Variants in ADCY2 observed in about 807,000 individuals in gnomAD.
ADCY2 encodes adenylate cyclase 2.
Under a neutral mutation model 125.2 loss-of-function variants are expected in ADCY2, and 31 were observed. The ratio of observed to expected loss-of-function variants is 0.25; its 90% CI spans 0.19 to 0.33. The LOEUF (loss-of-function observed/expected upper bound fraction) is 0.33. Among genes scored for constraint, ADCY2 ranks in the 10% least tolerant of loss-of-function variants. ADCY2 has a pLI of 1.00. For synonymous variants in ADCY2, 512 were observed against 548.4 expected (o/e 0.93, Z 0.93); for missense variants, 904 against 1,418.2 (o/e 0.64, Z 5.82).
At chr5:7,688,129 T>C (rs368217376) in intron 4 of ADCY2, among the ~76,000 whole-genome samples, 13 of 152,242 alleles carry the variant, frequency 8.5e-5, no homozygotes, top group African/African-American at 2.9e-4. Flanking sequence ...CTTTAGAAGT[T>C]AACATTTGTT....
At chr5:7,603,786 TTTTTTTTTTTTTTTTTTTTTTTTCTTTTG>T (rs1444842350) in intron 3 of ADCY2, among the ~76,000 whole-genome samples, 3 of 56,106 alleles carry the variant, frequency 5.3e-5, no homozygotes, top group South Asian at 3.8e-4. Context: ...CTCTCTTTCT[TTTTTTTTTTTTTTTTTTTTTTTTCTTTTG>T]TTTTTTTTTT....
intron 4 of ADCY2, among the ~76,000 whole-genome samples, chr5:7,631,248 A>T (rs1374088036): frequency 6.6e-6 from 1 of 152,138 alleles, no homozygotes; most frequent in Non-Finnish European, 1.5e-5. Flanking sequence ...CACATCCACA[A>T]AATCCCTGGT....
At chr5:7,533,038 T>A (rs987763638) in intron 3 of ADCY2, among the ~76,000 whole-genome samples, 1 of 149,738 alleles carries the variant, frequency 6.7e-6, no homozygotes, top group Non-Finnish European at 1.5e-5. Context: ...TATATGTATA[T>A]AAACATTTGA....
At chr5:7,711,962 A>T (rs577760019) in intron 10 of ADCY2, among the ~76,000 whole-genome samples, 3 of 152,336 alleles carry the variant, frequency 2.0e-5, no homozygotes, top group African/African-American at 7.2e-5. Flanking sequence ...CCAGGGTCAA[A>T]CAACTGACAT....
At chr5:7,722,788 A>ATC in intron 12 of ADCY2, among the ~76,000 whole-genome samples, 1 of 151,836 alleles carries the variant, frequency 6.6e-6, no homozygotes, top group African/African-American at 2.4e-5. Flanking sequence ...GAGAAACCCC[A>ATC]TCTCTACTAA....
rs535370102 is a variant in ADCY2, at chr5:7,626,720, A to G, written c.720+404A>G. ...TGAACAACCAACTCTCATGGGAACA[A>G]TAGAGTGAGAAACTCCCTCAAACTC... On this transcript the variant is annotated intron_variant, in intron 4 of 24. Transcript: ENST00000338316. Among the ~76,000 whole-genome samples the G allele has an allele frequency of 2.6e-5, 4 of 152,236 alleles. No individual in the cohort carries two copies. In the South Asian group the frequency reaches 6.2e-4, roughly 24 times the overall value.
intron 18 of ADCY2, among the ~76,000 whole-genome samples, chr5:7,774,258 T>TA (rs1743646258): frequency 6.6e-6 from 1 of 152,214 alleles, no homozygotes; most frequent in African/African-American, 2.4e-5. Flanking sequence ...GAAACTCTAC[T>TA]AATCTGTAAT....
At chr5:7,471,436 A>C (rs1159492369) in intron 2 of ADCY2, among the ~76,000 whole-genome samples, 2 of 151,976 alleles carry the variant, frequency 1.3e-5, no homozygotes, top group African/African-American at 4.8e-5. Flanking sequence ...ACCCTTAATT[A>C]TAGTCCACCC....
intron 3 of ADCY2, among the ~76,000 whole-genome samples, chr5:7,543,418 CT>C (rs765308276): frequency 5.9e-4 from 90 of 151,746 alleles, no homozygotes; most frequent in Non-Finnish European, 1.2e-3. Context: ...AAAAATAAAT[CT>C]TCTTATTTGA....
chr5:7,742,284 G>A (rs531698627), intron 14 of ADCY2, among the ~76,000 whole-genome samples: 12 of 152,224 alleles, frequency 7.9e-5, no homozygotes, highest in Admixed American at 5.2e-4. Context: ...CACTCCTCCC[G>A]CTGCTGCAGG....
At chr5:7,460,504 AT>A (rs1195518584) in intron 2 of ADCY2, among the ~76,000 whole-genome samples, 2 of 152,208 alleles carry the variant, frequency 1.3e-5, no homozygotes. Context: ...GTTCAGTATT[AT>A]CAAAATTAAA....
At chr5:7,407,993 C>A (rs144044609) in intron 1 of ADCY2, among the ~76,000 whole-genome samples, 2 of 150,748 alleles carry the variant, frequency 1.3e-5, no homozygotes, top group African/African-American at 4.9e-5. Flanking sequence ...CTCAGCCTCC[C>A]GAGTAGCTGG....
intron 3 of ADCY2, among the ~76,000 whole-genome samples, chr5:7,568,456 T>C (rs1333909172): frequency 6.6e-6 from 1 of 152,156 alleles, no homozygotes; most frequent in Admixed American, 6.6e-5. Context: ...GTTATTTCTC[T>C]TGGGTCATGG....
At chr5:7,681,307 C>T (rs922630402) in intron 4 of ADCY2, among the ~76,000 whole-genome samples, 2 of 152,090 alleles carry the variant, frequency 1.3e-5, no homozygotes, top group African/African-American at 2.4e-5. Flanking sequence ...ACATCAGTGC[C>T]CACAGGGACA....
At chr5:7,692,852 C>T (rs938213634) in intron 5 of ADCY2, among the ~76,000 whole-genome samples, 15 of 152,290 alleles carry the variant, frequency 9.8e-5, no homozygotes, top group African/African-American at 1.2e-4. Context: ...TACCTCCTCT[C>T]GGTTTCTCTC....
intron 3 of ADCY2, among the ~76,000 whole-genome samples, chr5:7,580,786 G>A (rs758436021): frequency 6.2e-4 from 95 of 152,294 alleles, no homozygotes; most frequent in Admixed American, 9.8e-4. Flanking sequence ...ACATGTCATG[G>A]TCAAATTGGT....
chr5:7,461,244 A>G (rs996177673), intron 2 of ADCY2, among the ~76,000 whole-genome samples: 2 of 152,212 alleles, frequency 1.3e-5, no homozygotes, highest in East Asian at 1.9e-4. Context: ...GATTACATCT[A>G]TCAGGAAGGG....
intron 3 of ADCY2, among the ~76,000 whole-genome samples, chr5:7,622,279 A>G (rs925369726): frequency 6.6e-6 from 1 of 152,216 alleles, no homozygotes; most frequent in Admixed American, 6.5e-5. Context: ...TAAAATAAAA[A>G]TTATTTAGGA....
At chr5:7,682,103 A>AAG (rs1740357903) in intron 4 of ADCY2, among the ~76,000 whole-genome samples, 1 of 152,216 alleles carries the variant, frequency 6.6e-6, no homozygotes, top group Admixed American at 6.5e-5. Context: ...TAATATCTAC[A>AAG]ACATTAAGTG....
Sources: allele counts gnomAD v4.1 joint callset (sites outside exome capture counted in the v4.1 genomes callset), GRCh38; gene constraint gnomAD v4.1.1; transcripts MANE v1.5; gene names NCBI Gene and HGNC (gene_info 2026-07-23, HGNC 2026-07-21).